Variants in KIAA1671 observed in about 807,000 individuals in gnomAD.
KIAA1671 encodes the protein uncharacterized protein KIAA1671.
Under a neutral mutation model 131.2 loss-of-function variants are expected in KIAA1671, and 52 were observed. The ratio of observed to expected loss-of-function variants is 0.40; its 90% CI spans 0.32 to 0.50. KIAA1671 has a LOEUF of 0.50. Among genes scored for constraint, KIAA1671 ranks in the 20% least tolerant of loss-of-function variants. The pLI, the probability that KIAA1671 is intolerant of heterozygous loss-of-function variation, is 0.73. For synonymous variants in KIAA1671, 1,003 were observed against 961.6 expected, an observed-to-expected ratio of 1.04 and a Z score of -0.80; for missense variants, 2,360 against 2,364.2, an observed-to-expected ratio of 1.00 and a Z score of 0.04.
intron 5 of KIAA1671, among the ~76,000 whole-genome samples, chr22:25,042,959 A>G (rs1307067766): frequency 1.3e-5 from 2 of 152,026 alleles, no homozygotes; most frequent in Non-Finnish European, 1.5e-5. Flanking sequence ...GTATTTTCCA[A>G]TCCCTCTGTC....
intron 11 of KIAA1671, among the ~76,000 whole-genome samples, chr22:25,187,871 A>T (rs961925971): frequency 2.6e-4 from 39 of 152,202 alleles, no homozygotes; most frequent in African/African-American, 8.9e-4. Flanking sequence ...AACTGCTAAG[A>T]AGAAGGTTAA....
Position 25,196,600 on chromosome 22 carries a change from G to A in KIAA1671, c.*4199G>A, listed in dbSNP as rs376852223. 13 of 152,048 alleles carry A rather than the reference G, an allele frequency of 8.5e-5. No homozygotes were observed. The highest frequency in any genetic ancestry group is 3.1e-4 in the African/African-American group (13 of 41,482). 9.4% of individuals were successfully genotyped at this position (152,048 alleles called of 1,614,324 possible). Reference sequence around the variant, plus strand: ...CAGGCGCACATCACCACGCCCAGCTGATCTTTTAAATCTGTTTTGTAGAAA... The same window carrying A: ...CAGGCGCACATCACCACGCCCAGCTAATCTTTTAAATCTGTTTTGTAGAAA... On this transcript the variant is annotated 3_prime_UTR_variant, in exon 13 of 13. Coordinates refer to ENST00000358431, the MANE Select transcript of KIAA1671 (RefSeq NM_001145206.2).
At chr22:25,124,716 A>C (rs1206983153) in intron 6 of KIAA1671, among the ~76,000 whole-genome samples, 1 of 152,206 alleles carries the variant, frequency 6.6e-6, no homozygotes, top group Admixed American at 6.5e-5. Context: ...AGAGTATGCT[A>C]TGCTGCAGTA....
chr22:25,041,151 T>G lies in KIAA1671; in HGVS notation c.4021T>G (p.Cys1341Gly). The G allele has an allele frequency of 1.3e-6, 2 of 1,551,408 alleles. No individual in the cohort carries two copies. The highest frequency in any genetic ancestry group is 1.7e-6 in the Non-Finnish European group (2 of 1,146,850). ...AFASKHHVAK[C>G]QNYLAESKPS... is the part of the protein sequence containing the mutation. ...TGCCAGTAAACATCATGTTGCAAAG[T>G]GTCAGAATTACCTGGCTGAGTCAAA... Residue 1341 changes from cysteine (C) to glycine (G), a missense_variant, in exon 5 of 13, where the codon TGT (cysteine) becomes GGT (glycine). Coordinates refer to ENST00000358431, the MANE Select transcript of KIAA1671 (RefSeq NM_001145206.2).
intron 6 of KIAA1671, chr22:25,062,509 C>G (rs1203538256): frequency 6.6e-6 from 1 of 152,446 alleles, no homozygotes; most frequent in African/African-American, 2.4e-5. Context: ...CGGCCTGTCT[C>G]TGCAGTCTTG....
chr22:25,188,783 C>T (rs528789319), intron 11 of KIAA1671, among the ~76,000 whole-genome samples: 1 of 152,292 alleles, frequency 6.6e-6, no homozygotes, highest in East Asian at 1.9e-4. Flanking sequence ...CTTCATCCTT[C>T]ATCCTTATTG....
At chr22:24,991,623 A>ATTT (rs34846801) in intron 1 of KIAA1671, among the ~76,000 whole-genome samples, 5,495 of 128,838 alleles carry the variant, frequency 0.043, 446 homozygotes, top group African/African-American at 0.15. Flanking sequence ...CGCCCGGCTA[A>ATTT]TTTTTTTTTT....
chr22:25,166,729 C>G (rs891770282), intron 6 of KIAA1671, among the ~76,000 whole-genome samples: 1 of 152,174 alleles, frequency 6.6e-6, no homozygotes, highest in African/African-American at 2.4e-5. Flanking sequence ...CAAAACAGTC[C>G]TTGTTTTTCC....
At chr22:25,007,496 GAAA>G (rs141806128) in intron 1 of KIAA1671, among the ~76,000 whole-genome samples, 2 of 140,404 alleles carry the variant, frequency 1.4e-5, no homozygotes, top group South Asian at 2.3e-4. Context: ...AAAAGCAAGG[GAAA>G]AAAAAAAAAA....
chr22:25,193,709 G>T lies in KIAA1671; in HGVS notation c.*1308G>T, dbSNP rs1429321469. Reference sequence around the variant, plus strand: ...TCTTTAGGTTAGGATAAACACCTGGGCCCTGGTGAGGCAGTTGCTGTTCAG... The same window carrying T: ...TCTTTAGGTTAGGATAAACACCTGGTCCCTGGTGAGGCAGTTGCTGTTCAG... On this transcript the variant is annotated 3_prime_UTR_variant, in exon 13 of 13. Transcript: ENST00000358431. The T allele has an allele frequency of 6.6e-6, 1 of 152,178 alleles. No homozygotes were observed. Among genetic ancestry groups the T allele is most frequent in the African/African-American group, 2.4e-5 (1 of 41,420 alleles). 9.4% of individuals were successfully genotyped at this position (152,178 alleles called of 1,614,324 possible).
At chr22:25,174,597 T>A (rs1382531407) in intron 8 of KIAA1671, 108 bp downstream of exon 8, 3 of 1,268,118 alleles carry the variant, frequency 2.4e-6, no homozygotes, top group Non-Finnish European at 3.2e-6. Context: ...TTGGAGTGGG[T>A]ACGGAGGGCA....
intron 11 of KIAA1671, 55 bp from the exon 12 acceptor site, chr22:25,190,647 G>T (rs555444069): frequency 1.4e-6 from 2 of 1,451,378 alleles, no homozygotes; most frequent in African/African-American, 1.4e-5. Context: ...AGTCCTGCCC[G>T]CAAGGAGCCC....
At position 25,028,537 on chromosome 22, in the gene KIAA1671, G is replaced by A; in HGVS notation, c.538G>A (p.Ala180Thr). ...GVSGSRPEVA[A>T]KPALPTQKPA... The stretch of plus-strand genomic sequence containing the variant: ...GTCCGGCTCCCGGCCTGAGGTGGCT[G>A]CCAAGCCCGCCCTGCCCACCCAGAA... The change falls in exon 3 of 13, where the codon GCC (alanine) becomes ACC (threonine). Residue 180 changes from alanine to threonine, a missense_variant. Transcript: ENST00000358431. 1 of 1,548,326 alleles carries A rather than the reference G, an allele frequency of 6.5e-7. No homozygotes were observed. The highest frequency in any genetic ancestry group is 8.7e-7 in the Non-Finnish European group (1 of 1,145,310).
At chr22:25,163,332 T>A (rs902488050) in intron 6 of KIAA1671, among the ~76,000 whole-genome samples, 23 of 19,296 alleles carry the variant, frequency 1.2e-3, no homozygotes, top group African/African-American at 0.012. Flanking sequence ...TTGCCTCAAA[T>A]TTTTTTTTTT....
chr22:24,978,993 T>C (rs1923067127), intron 1 of KIAA1671, among the ~76,000 whole-genome samples: 1 of 147,076 alleles, frequency 6.8e-6, no homozygotes, highest in Admixed American at 6.8e-5. Context: ...CCAATCATCT[T>C]AATCATTTTT....
chr22:24,999,178 C>T (rs1924301399), intron 1 of KIAA1671, among the ~76,000 whole-genome samples: 1 of 152,128 alleles, frequency 6.6e-6, no homozygotes, highest in Non-Finnish European at 1.5e-5. Flanking sequence ...TAATTTTAGC[C>T]ATTGTGGTAG....
intron 1 of KIAA1671, among the ~76,000 whole-genome samples, chr22:24,992,953 A>C (rs185867257): frequency 6.6e-6 from 1 of 152,232 alleles, no homozygotes; most frequent in African/African-American, 2.4e-5. Context: ...GGAAGTTAAG[A>C]AACTTACCCA....
intron 1 of KIAA1671, among the ~76,000 whole-genome samples, chr22:24,996,261 G>T (rs1924131075): frequency 6.6e-6 from 1 of 152,096 alleles, no homozygotes; most frequent in Non-Finnish European, 1.5e-5. Context: ...GAGCTTCATT[G>T]CTGGTGGCTG....
At chr22:25,100,571 C>T (rs535342368) in intron 6 of KIAA1671, among the ~76,000 whole-genome samples, 62 of 152,330 alleles carry the variant, frequency 4.1e-4, no homozygotes, top group African/African-American at 1.4e-3. Flanking sequence ...CTGCACATAG[C>T]AGATGCATGA....
Sources: allele counts gnomAD v4.1 joint callset (sites outside exome capture counted in the v4.1 genomes callset), GRCh38; gene constraint gnomAD v4.1.1; transcripts MANE v1.5; gene names NCBI Gene and HGNC (gene_info 2026-07-23, HGNC 2026-07-21).